The following ZNF525 variants were observed in gnomAD, a reference collection of about 807,000 sequenced individuals.
ZNF525 encodes the protein zinc finger protein 525.
Under a neutral mutation model 37.6 loss-of-function variants are expected in ZNF525, and 33 were observed. The observed-to-expected ratio is 0.88, with a 90% confidence interval of 0.67 to 1.17. The LOEUF (loss-of-function observed/expected upper bound fraction) is 1.17. Ranked by LOEUF, ZNF525 falls within the 50% of genes most tolerant of loss-of-function variation. ZNF525 has a pLI of 0.00. For synonymous variants in ZNF525, 170 were observed against 182.3 expected (o/e 0.93, Z 0.54); for missense variants, 449 against 543.1 (o/e 0.83, Z 1.72).
chr19:53,373,026 A>G (rs1240203755), intron 2 of ZNF525, among the ~76,000 whole-genome samples: 2 of 152,176 alleles, frequency 1.3e-5, no homozygotes, highest in African/African-American at 2.4e-5. Flanking sequence ...CTTCATTTTT[A>G]TCCTAGAGGA....
chr19:53,380,100 T>G (rs1266028501), intron 3 of ZNF525, among the ~76,000 whole-genome samples: 1 of 152,128 alleles, frequency 6.6e-6, no homozygotes, highest in Non-Finnish European at 1.5e-5. Flanking sequence ...AAAATATTTT[T>G]TTTTTTTTGA....
At chr19:53,370,457 T>C (rs1444128502) in intron 1 of ZNF525, among the ~76,000 whole-genome samples, 1 of 148,308 alleles carries the variant, frequency 6.7e-6, no homozygotes, top group East Asian at 2.0e-4. Context: ...CTCACTCATC[T>C]CAGACCTTCT....
At chr19:53,367,482 G>A (rs1193657790) in intron 1 of ZNF525, among the ~76,000 whole-genome samples, 5 of 152,144 alleles carry the variant, frequency 3.3e-5, no homozygotes, top group South Asian at 2.1e-4. Flanking sequence ...TAGTCTGCCT[G>A]GTTACAATTG....
intron 3 of ZNF525, among the ~76,000 whole-genome samples, chr19:53,380,056 A>G (rs902673987): frequency 2.0e-5 from 3 of 152,086 alleles, no homozygotes; most frequent in Non-Finnish European, 4.4e-5. Context: ...CCTTTTCTGC[A>G]TGGATATAGG....
rs1414082344 is a variant in ZNF525, at chr19:53,383,451, CAGG to C, written c.*1435_*1437del. 2.0e-6 allele frequency: 2 copies of C among 1,013,476 alleles called. No individual in the cohort carries two copies. Among genetic ancestry groups the C allele is most frequent in the East Asian group, 7.0e-5 (2 of 28,406 alleles). The allele number at this position is 1,013,476 out of a possible 1,614,324, so 62.8% of individuals were successfully genotyped here. A position where few individuals can be genotyped will look rare whatever the true frequency, so the allele number is the denominator to read the frequency against. On this transcript the variant is annotated 3_prime_UTR_variant, in exon 4 of 4. Transcript: ENST00000474037. ...CAGTCGCAAATCAAACCTCGAAAGA[CAGG>C]AGAATTCATACTGGAGAGAAACCAT...
At chr19:53,376,589 T>A in intron 3 of ZNF525, 2 of 494,294 alleles carry the variant, frequency 4.0e-6, no homozygotes, top group Non-Finnish European at 7.1e-6. Flanking sequence ...TGTTTGTTTG[T>A]TTGTTTATGA....
intron 1 of ZNF525, among the ~76,000 whole-genome samples, chr19:53,370,999 C>T (rs965212643): frequency 6.6e-6 from 1 of 152,178 alleles, no homozygotes; most frequent in Non-Finnish European, 1.5e-5. Context: ...AACATCAGAA[C>T]CTTTCCTGTC....
chr19:53,381,886 AGAAAC>A lies in ZNF525; in HGVS notation c.1308_1312del (p.Glu436AspfsTer5). On this transcript the variant is annotated frameshift_variant, in exon 4 of 4. Transcript: ENST00000474037. LOFTEE classifies it high-confidence loss of function. ...AGACATAGGAGAATTCATAATGGAG[AGAAAC>A]TGTACAAATGTAATGAGTGTGGCAA... The A allele has an allele frequency of 1.0e-6, 1 of 1,000,838 alleles. No homozygotes were observed. The highest frequency in any genetic ancestry group is 1.6e-6 in the Non-Finnish European group (1 of 619,440). The allele number at this position is 1,000,838 out of a possible 1,614,324, so 62.0% of individuals were successfully genotyped here. A position where few individuals can be genotyped will look rare whatever the true frequency, so the allele number is the denominator to read the frequency against.
intron 3 of ZNF525, 79 bp from the exon 4 acceptor site, chr19:53,380,643 C>G: frequency 1.4e-6 from 1 of 722,224 alleles, no homozygotes; most frequent in Non-Finnish European, 2.3e-6. Flanking sequence ...TTTTGTGTTC[C>G]TAAACTTTGA....
In ZNF525 at chr19:53,382,418, C is replaced by A; in HGVS notation, c.*399C>A. 1.1e-6 allele frequency: 1 copy of A among 892,894 alleles called. No homozygotes were observed. Among genetic ancestry groups the A allele is most frequent in the Non-Finnish European group, 1.9e-6 (1 of 534,406 alleles). 55.3% of individuals were successfully genotyped at this position (892,894 alleles called of 1,614,324 possible). ...AACCGTACAAGTGTAATGAGTGTGG[C>A]AAGACCTTCAGTCAGAAGTCATGCC... is the stretch of plus-strand genomic sequence containing the variant. On this transcript the variant is annotated 3_prime_UTR_variant, in exon 4 of 4. Coordinates refer to ENST00000474037, the MANE Select transcript of ZNF525 (RefSeq NM_001348156.2).
intron 3 of ZNF525, among the ~76,000 whole-genome samples, chr19:53,377,497 T>C (rs182063653): frequency 1.1e-3 from 167 of 152,182 alleles, no homozygotes; most frequent in African/African-American, 3.8e-3. Context: ...TTATTTACCT[T>C]TACTGGAGAA....
intron 2 of ZNF525, 125 bp from the exon 3 acceptor site, chr19:53,375,645 T>C: frequency 6.2e-7 from 1 of 1,601,400 alleles, no homozygotes; most frequent in South Asian, 1.1e-5. Context: ...AAAAACCCCT[T>C]ACTCGGATTT....
At chr19:53,372,024 G>A (rs911228164) in intron 1 of ZNF525, among the ~76,000 whole-genome samples, 191 bp from the exon 2 acceptor site, 1 of 152,102 alleles carries the variant, frequency 6.6e-6, no homozygotes, top group African/African-American at 2.4e-5. Context: ...CTGCTGCAGC[G>A]TGTGTGTAGG....
chr19:53,375,299 C>T (rs894450791), intron 2 of ZNF525, among the ~76,000 whole-genome samples: 2 of 152,174 alleles, frequency 1.3e-5, no homozygotes, highest in African/African-American at 2.4e-5. Context: ...ACAAAAGTTT[C>T]TGCGCCAGGC....
Position 53,385,069 on chromosome 19 carries a change from A to G in ZNF525, c.*3050A>G. ...CTTTCATTCTGTTCTAGTGGTATAT[A>G]ACATTGATTTGCTTGAATATGTTGA... On this transcript the variant is annotated 3_prime_UTR_variant, in exon 4 of 4. Transcript: ENST00000474037. 1.6e-6 allele frequency: 1 copy of G among 642,324 alleles called. No individual in the cohort carries two copies. 39.8% of individuals were successfully genotyped at this position (642,324 alleles called of 1,614,324 possible). A position where few individuals can be genotyped will look rare whatever the true frequency, so the allele number is the denominator to read the frequency against.
Position 53,381,556 on chromosome 19 carries a change from C to T in ZNF525, c.977C>T (p.Pro326Leu). The change falls in exon 4 of 4, where the codon CCA becomes CTA. Residue 326 changes from proline to leucine, a missense_variant. Physicochemically the swap from Pro to Leu is moderately conservative, Grantham distance 98. Transcript: ENST00000474037. Reference protein sequence around the residue: ...RHRRIHTGEKPHKCNECGKTF... With the variant: ...RHRRIHTGEKLHKCNECGKTF... ...AGGAGAATTCATACTGGAGAGAAAC[C>T]ACATAAGTGTAATGAGTGTGGCAAG... The T allele has an allele frequency of 8.4e-7, 1 of 1,196,576 alleles. No homozygotes were observed. The highest frequency in any genetic ancestry group is 1.3e-6 in the Non-Finnish European group (1 of 798,810). 74.1% of individuals were successfully genotyped at this position (1,196,576 alleles called of 1,614,324 possible). A position where few individuals can be genotyped will look rare whatever the true frequency, so the allele number is the denominator to read the frequency against.
At position 53,383,115 on chromosome 19, in the gene ZNF525, C is replaced by A; in HGVS notation, c.*1096C>A. On this transcript the variant is annotated 3_prime_UTR_variant, in exon 4 of 4. Coordinates refer to ENST00000474037, the MANE Select transcript of ZNF525 (RefSeq NM_001348156.2). ...GTTTTTAATCAACAAGCACACCTTG[C>A]ACGTCATCATAGAACTCATACTGGA... is the stretch of plus-strand genomic sequence containing the variant. 7.5e-7 allele frequency: 1 copy of A among 1,324,548 alleles called. No homozygotes were observed. Among genetic ancestry groups the A allele is most frequent in the Non-Finnish European group, 1.1e-6 (1 of 935,262 alleles). 82.0% of individuals were successfully genotyped at this position (1,324,548 alleles called of 1,614,324 possible).
rs2085589190 is a variant in ZNF525, at chr19:53,384,227, T to G, written c.*2208T>G. On this transcript the variant is annotated 3_prime_UTR_variant, in exon 4 of 4. Transcript: ENST00000474037. ...GGCTGTGTGGCATGGCTCACGCCTG[T>G]AATCCCAGCACTTTGGTAGGCCAAG... 3.7e-6 allele frequency: 1 copy of G among 268,818 alleles called. No individual in the cohort carries two copies. The highest frequency in any genetic ancestry group is 7.5e-6 in the Non-Finnish European group (1 of 133,844). The allele number at this position is 268,818 out of a possible 1,614,324, so 16.7% of individuals were successfully genotyped here.
intron 2 of ZNF525, chr19:53,372,542 G>A (rs1191642064): frequency 3.1e-5 from 32 of 1,030,332 alleles, no homozygotes; most frequent in African/African-American, 6.4e-5. Context: ...GGATGGAGAC[G>A]GGGTGAGGGT....
Sources: gnomAD v4.1 joint callset for allele counts (sites outside exome capture counted in the v4.1 genomes callset) on GRCh38, gnomAD v4.1.1 for gene constraint, MANE v1.5 for transcripts, NCBI Gene and HGNC (gene_info 2026-07-23, HGNC 2026-07-21) for gene names.